The following MICU2 variants were observed in gnomAD, a reference collection of about 807,000 sequenced individuals.
MICU2 encodes mitochondrial calcium uptake 2, also known as calcium uptake protein 2, mitochondrial.
In MICU2, 64 loss-of-function variants were observed where a neutral mutation model predicts 60.4. That is an observed-to-expected ratio of 1.06 (90% CI 0.87 to 1.31). The LOEUF (loss-of-function observed/expected upper bound fraction) is 1.31, where lower values mean the gene tolerates loss of function less well. MICU2 is among the 50% of genes most tolerant of loss of function. The pLI, the probability that MICU2 is intolerant of heterozygous loss-of-function variation, is 0.00. For synonymous variants in MICU2, 201 were observed against 175.0 expected, an observed-to-expected ratio of 1.15 and a Z score of -1.17; for missense variants, 569 against 531.0, an observed-to-expected ratio of 1.07 and a Z score of -0.70.
chr13:21,514,673 C>T (rs1345772380), intron 6 of MICU2, among the ~76,000 whole-genome samples: 1 of 151,484 alleles, frequency 6.6e-6, no homozygotes, highest in East Asian at 2.0e-4. Context: ...GCTGGGACTA[C>T]AGGCGCCCGC....
intron 1 of MICU2, among the ~76,000 whole-genome samples, chr13:21,589,461 A>G (rs1412803120): frequency 2.6e-5 from 4 of 152,186 alleles, no homozygotes; most frequent in African/African-American, 9.7e-5. Flanking sequence ...AAGCCAAGAC[A>G]TGTTAAAAAA....
At position 21,604,054 on chromosome 13, in the gene MICU2, G is replaced by A. The variant is rs1181533951; in HGVS notation, c.95C>T (p.Pro32Leu). ...LAVSRQAVRS[P>L]GPLAAAVAGA... Reference sequence around the variant, plus strand: ...GGCCACTGCCGCTGCCAAGGGGCCGGGACTCCGCACAGCCTGTCGGCTGAC... The same window carrying A: ...GGCCACTGCCGCTGCCAAGGGGCCGAGACTCCGCACAGCCTGTCGGCTGAC... The change falls in exon 1 of 12, where the codon CCC becomes CTC. Residue 32 changes from proline (P) to leucine (L), a missense_variant. Transcript: ENST00000382374. The A allele has an allele frequency of 1.2e-6, 2 of 1,604,654 alleles. No homozygotes were observed. The highest frequency in any genetic ancestry group is 8.5e-7 in the Non-Finnish European group (1 of 1,176,682).
intron 6 of MICU2, among the ~76,000 whole-genome samples, chr13:21,517,692 G>A (rs925844581): frequency 3.9e-5 from 6 of 151,982 alleles, no homozygotes; most frequent in African/African-American, 9.7e-5. Flanking sequence ...CAGGAGAATC[G>A]CTGGAGCCCG....
At chr13:21,498,410 G>A (rs910319950) in intron 9 of MICU2, among the ~76,000 whole-genome samples, 3 of 113,184 alleles carry the variant, frequency 2.7e-5, no homozygotes, top group African/African-American at 3.4e-5. Context: ...AGACAGTCTC[G>A]CTCTGTCACC....
intron 2 of MICU2, among the ~76,000 whole-genome samples, chr13:21,547,416 A>G (rs1242701198): frequency 6.6e-6 from 1 of 152,192 alleles, no homozygotes; most frequent in Non-Finnish European, 1.5e-5. Context: ...ATCTCTGATT[A>G]TTCCAGCCCT....
rs1166573250 is a variant in MICU2 at position 21,539,682 on chromosome 13, G to C, written c.365C>G (p.Thr122Ser). Residue 122 changes from threonine to serine, a missense_variant, in exon 3 of 12, where the codon ACT becomes AGT. By Grantham distance (58) the Thr-to-Ser change is moderately conservative. Coordinates refer to ENST00000382374, the MANE Select transcript of MICU2 (RefSeq NM_152726.3). ...SVMFEQMERK[T>S]SVKKLTKKDI... ...CTTTTTTGTCAGCTTCTTGACTGAA[G>C]TTTTACCTACAACAAATAAGAAACA... The C allele has an allele frequency of 1.9e-6, 3 of 1,613,860 alleles. No individual in the cohort carries two copies. The highest frequency in any genetic ancestry group is 3.3e-5 in the Admixed American group (2 of 59,968).
chr13:21,567,054 C>T (rs1358820874), intron 1 of MICU2, 110 bp from the exon 2 acceptor site: 2 of 875,294 alleles, frequency 2.3e-6, no homozygotes, highest in Non-Finnish European at 3.3e-6. Flanking sequence ...AATCCCCAAA[C>T]TTTTAAAATC....
At chr13:21,502,360 C>T (rs1886195635) in intron 9 of MICU2, among the ~76,000 whole-genome samples, 1 of 151,984 alleles carries the variant, frequency 6.6e-6, no homozygotes, top group Admixed American at 6.6e-5. Context: ...CACCACTGTA[C>T]ATGAATAATT....
chr13:21,520,100 C>T (rs1175622849), intron 6 of MICU2, among the ~76,000 whole-genome samples: 1 of 152,116 alleles, frequency 6.6e-6, no homozygotes, highest in Non-Finnish European at 1.5e-5. Context: ...TAAATGTAAT[C>T]GTACAGTATG....
intron 6 of MICU2, among the ~76,000 whole-genome samples, chr13:21,518,975 G>C (rs1886648797): frequency 6.6e-6 from 1 of 152,122 alleles, no homozygotes; most frequent in Non-Finnish European, 1.5e-5. Context: ...AAACTGCTCT[G>C]TAATGGTTCC....
At chr13:21,567,695 T>C (rs1237659619) in intron 1 of MICU2, among the ~76,000 whole-genome samples, 2 of 152,044 alleles carry the variant, frequency 1.3e-5, no homozygotes, top group East Asian at 3.9e-4. Context: ...ATGAAGAGAG[T>C]GCTGAAATCT....
At chr13:21,531,469 C>T (rs1385314394) in intron 4 of MICU2, 2 of 615,016 alleles carry the variant, frequency 3.3e-6, no homozygotes, top group African/African-American at 3.8e-5. Flanking sequence ...AACTGATGCT[C>T]CTTGGGTGCT....
chr13:21,586,016 T>A, intron 1 of MICU2, among the ~76,000 whole-genome samples: 1 of 152,214 alleles, frequency 6.6e-6, no homozygotes, highest in East Asian at 1.9e-4. Context: ...GATAATACTT[T>A]ACAGCAACAT....
intron 4 of MICU2, among the ~76,000 whole-genome samples, chr13:21,532,018 T>C (rs1311778011): frequency 6.6e-6 from 1 of 152,212 alleles, no homozygotes; most frequent in Non-Finnish European, 1.5e-5. Context: ...GATTCTCTGA[T>C]GCAGACTAGC....
rs549748011 is a variant in MICU2, at chr13:21,495,483, C to T, written c.1043-165G>A. The T allele has an allele frequency of 7.3e-5, 44 of 606,700 alleles. No individual in the cohort carries two copies. The Admixed American group carries it at 9.8e-4, about 13-fold the overall frequency. 37.6% of individuals were successfully genotyped at this position (606,700 alleles called of 1,614,324 possible). A position where few individuals can be genotyped will look rare whatever the true frequency, so the allele number is the denominator to read the frequency against. ...TGAAGAAAATATTCAAACCATAAGC[C>T]GACGAATGTCATGAGAGTCACTGCA... is the stretch of plus-strand genomic sequence containing the variant. On this transcript the variant is annotated intron_variant, in intron 10 of 11. Coordinates refer to ENST00000382374, the MANE Select transcript of MICU2 (RefSeq NM_152726.3).
At chr13:21,530,958 C>G in intron 4 of MICU2, 1 of 770,824 alleles carries the variant, frequency 1.3e-6, no homozygotes, top group East Asian at 2.4e-5. Context: ...AGATCATTTA[C>G]AGTGACAAAT....
chr13:21,588,235 C>T (rs1888501210), intron 1 of MICU2, among the ~76,000 whole-genome samples: 1 of 152,128 alleles, frequency 6.6e-6, no homozygotes, highest in Admixed American at 6.5e-5. Flanking sequence ...GACAGGATAC[C>T]AAGATGCAAA....
intron 1 of MICU2, among the ~76,000 whole-genome samples, chr13:21,596,055 T>G (rs142209663): frequency 2.6e-5 from 4 of 152,238 alleles, no homozygotes; most frequent in Non-Finnish European, 4.4e-5. Context: ...TCTAGTAATA[T>G]TCAAAATCCT....
At chr13:21,511,462 A>T (rs928168657) in intron 7 of MICU2, among the ~76,000 whole-genome samples, 1 of 152,208 alleles carries the variant, frequency 6.6e-6, no homozygotes, top group Admixed American at 6.5e-5. Context: ...AGTATTTCTC[A>T]TGAGACCTTT....
Sources: gnomAD v4.1 joint callset for allele counts (sites outside exome capture counted in the v4.1 genomes callset) on GRCh38, gnomAD v4.1.1 for gene constraint, MANE v1.5 for transcripts, NCBI Gene and HGNC (gene_info 2026-07-23, HGNC 2026-07-21) for gene names.